RIMS2: variants seen among roughly 807,000 people sequenced by gnomAD.
RIMS2 encodes the protein regulating synaptic membrane exocytosis 2, also known as regulating synaptic membrane exocytosis protein 2.
Under a neutral mutation model 174.4 loss-of-function variants are expected in RIMS2, and 59 were observed. The observed-to-expected ratio is 0.34, with a 90% CI of 0.27 to 0.42. The LOEUF (loss-of-function observed/expected upper bound fraction) is 0.42, where lower values mean the gene tolerates loss of function less well. RIMS2 is among the 10% of genes least tolerant of loss of function. The probability of loss-of-function intolerance (pLI) is 1.00; values close to 1 mark genes in which losing one functional copy is unlikely to be tolerated. For synonymous variants in RIMS2, 606 were observed against 572.5 expected, an observed-to-expected ratio of 1.06 and a Z score of -0.84; for missense variants, 1,620 against 1,666.3, an observed-to-expected ratio of 0.97 and a Z score of 0.48.
chr8:103,687,584 T>G (rs1411153786), intron 1 of RIMS2, among the ~76,000 whole-genome samples: 1 of 152,100 alleles, frequency 6.6e-6, no homozygotes, highest in Non-Finnish European at 1.5e-5. Context: ...TGTTATTAAC[T>G]ATAGACATCA....
At chr8:103,985,302 C>T (rs752972268) in intron 16 of RIMS2, among the ~76,000 whole-genome samples, 1 of 151,338 alleles carries the variant, frequency 6.6e-6, no homozygotes, top group Admixed American at 6.6e-5. Context: ...GGTGAAACCC[C>T]GTCTCTACTA....
At chr8:104,239,500 A>T (rs1237003128) in intron 19 of RIMS2, among the ~76,000 whole-genome samples, 3 of 151,948 alleles carry the variant, frequency 2.0e-5, no homozygotes, top group Non-Finnish European at 2.9e-5. Flanking sequence ...GTATTTTTTG[A>T]TGTCTCAATA....
At chr8:103,851,663 A>G (rs1385391004) in intron 3 of RIMS2, among the ~76,000 whole-genome samples, 1 of 150,484 alleles carries the variant, frequency 6.6e-6, no homozygotes, top group Non-Finnish European at 1.5e-5. Flanking sequence ...ACACACACAC[A>G]CACACACACA....
At chr8:103,594,296 T>C (rs529583988) in intron 1 of RIMS2, among the ~76,000 whole-genome samples, 2 of 151,676 alleles carry the variant, frequency 1.3e-5, no homozygotes, top group Non-Finnish European at 3.0e-5. Flanking sequence ...CTATTTAAAA[T>C]AGCCCCTAAG....
chr8:103,955,943 C>T (rs1474491725), intron 14 of RIMS2, among the ~76,000 whole-genome samples: 1 of 152,138 alleles, frequency 6.6e-6, no homozygotes, highest in Non-Finnish European at 1.5e-5. Flanking sequence ...CACAAGCATT[C>T]CTATACACTA....
chr8:103,878,373 T>C (rs867782830), intron 3 of RIMS2, among the ~76,000 whole-genome samples: 6 of 152,028 alleles, frequency 3.9e-5, no homozygotes, highest in Non-Finnish European at 7.4e-5. Flanking sequence ...GAATCACATG[T>C]ATTGACTTGT....
chr8:103,616,836 A>T (rs1452301076), intron 1 of RIMS2, among the ~76,000 whole-genome samples: 1 of 152,208 alleles, frequency 6.6e-6, no homozygotes, highest in Non-Finnish European at 1.5e-5. Flanking sequence ...GATCTCTACA[A>T]TGAGAATTAC....
chr8:103,646,674 T>C (rs2096340819), intron 1 of RIMS2, among the ~76,000 whole-genome samples: 1 of 152,168 alleles, frequency 6.6e-6, no homozygotes, highest in Non-Finnish European at 1.5e-5. Flanking sequence ...CCTGTGTTAG[T>C]TTGCTGAGGA....
intron 1 of RIMS2, among the ~76,000 whole-genome samples, chr8:103,552,049 G>A (rs12546356): frequency 0.12 from 18,880 of 152,094 alleles, 1,271 homozygotes; most frequent in Middle Eastern, 0.22. Flanking sequence ...TACATTCAGT[G>A]GTATCCCCAT....
At chr8:103,727,809 A>C (rs1682961444) in intron 2 of RIMS2, among the ~76,000 whole-genome samples, 3 of 152,066 alleles carry the variant, frequency 2.0e-5, no homozygotes, top group Admixed American at 6.6e-5. Flanking sequence ...ATCTGTTTTT[A>C]TGTTAGTACT....
chr8:104,160,335 G>A (rs1353438250), intron 19 of RIMS2, among the ~76,000 whole-genome samples: 1 of 152,142 alleles, frequency 6.6e-6, no homozygotes, highest in African/African-American at 2.4e-5. Flanking sequence ...ATGAATAAAT[G>A]AGTGAACAAA....
intron 1 of RIMS2, among the ~76,000 whole-genome samples, chr8:103,507,143 C>T (rs570495790): frequency 6.6e-6 from 1 of 152,204 alleles, no homozygotes; most frequent in African/African-American, 2.4e-5. Flanking sequence ...CACATCGCCC[C>T]TCAAATACAC....
At chr8:103,552,495 G>C (rs7836038) in intron 1 of RIMS2, among the ~76,000 whole-genome samples, 123,555 of 152,182 alleles carry the variant, frequency 0.81, 50,657 homozygotes, top group African/African-American at 0.92. Flanking sequence ...CCATAAAAAC[G>C]CTAGAAGAAA....
At chr8:104,186,109 A>C (rs933836848) in intron 19 of RIMS2, among the ~76,000 whole-genome samples, 1 of 151,920 alleles carries the variant, frequency 6.6e-6, no homozygotes, top group East Asian at 1.9e-4. Context: ...ACTGGAGACT[A>C]TTATCTTAAG....
chr8:103,590,487 T>A (rs1245223086), intron 1 of RIMS2, among the ~76,000 whole-genome samples: 5 of 151,354 alleles, frequency 3.3e-5, no homozygotes, highest in Non-Finnish European at 7.4e-5. Flanking sequence ...CATCCTTACA[T>A]GTCAGAATTT....
chr8:104,251,982 A>C, downstream of RIMS2: 1 of 609,684 alleles, frequency 1.6e-6, no homozygotes. Flanking sequence ...AGTTGCACAC[A>C]TTGTGCCCTA....
intron 19 of RIMS2, among the ~76,000 whole-genome samples, chr8:104,084,459 A>G (rs1419780030): frequency 6.6e-6 from 1 of 151,036 alleles, no homozygotes; most frequent in Admixed American, 6.6e-5. Flanking sequence ...AAAAAAAACT[A>G]AAGTAGAATA....
intron 1 of RIMS2, among the ~76,000 whole-genome samples, chr8:103,540,363 CA>C (rs1165050163): frequency 3.3e-5 from 5 of 152,238 alleles, no homozygotes; most frequent in Non-Finnish European, 5.9e-5. Context: ...TGGCCATCCA[CA>C]ATGTTGGCCG....
intron 19 of RIMS2, chr8:104,093,472 A>G (rs1201094344): frequency 5.0e-6 from 8 of 1,593,034 alleles, no homozygotes; most frequent in Non-Finnish European, 6.8e-6. Context: ...TGTTAACAGT[A>G]TCGATCAGGA....
Sources: allele counts gnomAD v4.1 joint callset (sites outside exome capture counted in the v4.1 genomes callset), GRCh38; gene constraint gnomAD v4.1.1; transcripts MANE v1.5; gene names NCBI Gene and HGNC (gene_info 2026-07-23, HGNC 2026-07-21).